The following EVA1C variants were observed in gnomAD, a reference collection of about 807,000 sequenced individuals.
EVA1C encodes the protein protein eva-1 homolog C.
In EVA1C, 25 loss-of-function variants were observed where a neutral mutation model predicts 45.4. That is an observed-to-expected ratio of 0.55 (90% CI 0.40 to 0.77). The LOEUF (loss-of-function observed/expected upper bound fraction) is 0.77. Ranked by LOEUF, EVA1C falls within the 30% of genes least tolerant of loss-of-function variation. The probability of loss-of-function intolerance (pLI) is 0.00; values close to 1 mark genes in which losing one functional copy is unlikely to be tolerated. For missense variants in EVA1C, 479 were observed against 554.8 expected (o/e 0.86, Z 1.37); for synonymous variants, 190 against 221.2 (o/e 0.86, Z 1.25).
chr21:32,477,656 C>A (rs957948351), intron 4 of EVA1C, among the ~76,000 whole-genome samples: 1 of 151,510 alleles, frequency 6.6e-6, no homozygotes, highest in Non-Finnish European at 1.5e-5. Flanking sequence ...CTGGCTTCCC[C>A]CAGAGAAAGT....
intron 1 of EVA1C, among the ~76,000 whole-genome samples, chr21:32,451,892 G>A (rs558304494): frequency 6.6e-6 from 1 of 152,268 alleles, no homozygotes; most frequent in African/African-American, 2.4e-5. Context: ...ATTTCCAAAT[G>A]TCACATTCTG....
intron 4 of EVA1C, among the ~76,000 whole-genome samples, chr21:32,481,074 CT>C (rs2036767876): frequency 6.6e-6 from 1 of 152,232 alleles, no homozygotes; most frequent in South Asian, 2.1e-4. Context: ...AGGTTAATAG[CT>C]TTTTTTCTTG....
At chr21:32,444,586 C>T (rs532784784) in intron 1 of EVA1C, among the ~76,000 whole-genome samples, 35 of 152,308 alleles carry the variant, frequency 2.3e-4, no homozygotes, top group Middle Eastern at 3.4e-3. Flanking sequence ...TTCTGCTATC[C>T]GGAAGCTCTC....
chr21:32,486,953 A>G, intron 4 of EVA1C, among the ~76,000 whole-genome samples: 1 of 152,198 alleles, frequency 6.6e-6, no homozygotes. Flanking sequence ...ATTGTAATAT[A>G]ATAAGAAATA....
intron 1 of EVA1C, among the ~76,000 whole-genome samples, chr21:32,441,714 G>A (rs953426503): frequency 1.3e-5 from 2 of 152,146 alleles, no homozygotes; most frequent in Non-Finnish European, 2.9e-5. Flanking sequence ...GCAAATATAT[G>A]GGGGGAAATT....
intron 1 of EVA1C, among the ~76,000 whole-genome samples, chr21:32,443,459 C>T (rs971224784): frequency 6.6e-6 from 1 of 152,108 alleles, no homozygotes; most frequent in African/African-American, 2.4e-5. Context: ...ATCTCCTGAA[C>T]CCAGGAGGCG....
intron 1 of EVA1C, among the ~76,000 whole-genome samples, chr21:32,424,253 G>T (rs977218126): frequency 6.6e-6 from 1 of 152,054 alleles, no homozygotes; most frequent in Admixed American, 6.5e-5. Context: ...AGTGGCTTCC[G>T]AAATTCTCAG....
At chr21:32,481,709 C>G (rs2036795210) in intron 4 of EVA1C, among the ~76,000 whole-genome samples, 2 of 152,144 alleles carry the variant, frequency 1.3e-5, no homozygotes, top group Non-Finnish European at 2.9e-5. Context: ...AAAGAAAGAT[C>G]ATTCGATACT....
At chr21:32,495,707 A>G (rs1344161703) in intron 5 of EVA1C, among the ~76,000 whole-genome samples, 1 of 152,216 alleles carries the variant, frequency 6.6e-6, no homozygotes, top group Non-Finnish European at 1.5e-5. Flanking sequence ...TGTTTTCCTG[A>G]TGTCTTTAAA....
At position 32,514,998 on chromosome 21, in the gene EVA1C, G is replaced by A. The variant is rs751872333; in HGVS notation, c.1134G>A (p.Glu378=). ...VEEDSEDEEE[E]EDPSESDFPG... ...AGGACAGCGAGGATGAAGAAGAGGA[G>A]GAGGACCCCTCTGAGTCTGATTTCC... The change falls in exon 8 of 8, where the codon GAG becomes GAA. Residue 378 remains glutamate (E), a synonymous_variant. Coordinates refer to ENST00000300255, the MANE Select transcript of EVA1C (RefSeq NM_058187.5). 6.2e-6 allele frequency: 10 copies of A among 1,614,166 alleles called. No homozygotes were observed. The African/African-American group carries it at 6.7e-5, about 11-fold the overall frequency.
At chr21:32,479,635 T>G (rs905097208) in intron 4 of EVA1C, among the ~76,000 whole-genome samples, 2 of 152,052 alleles carry the variant, frequency 1.3e-5, no homozygotes, top group Non-Finnish European at 2.9e-5. Context: ...AAATAAATTC[T>G]TGCACTCCCA....
rs541167220 is a variant in EVA1C, at chr21:32,502,570, G to A, written c.859+1075G>A. Among the ~76,000 whole-genome samples, 9 of 152,224 alleles carry A rather than the reference G, an allele frequency of 5.9e-5. No homozygotes were observed. The South Asian group carries it at 1.5e-3, about 25-fold the overall frequency. ...TCTAAGATGTTAGGCTGTGGTGAGA[G>A]TTTTGTCTTGTGTTACCTTTATTAT... On this transcript the variant is annotated intron_variant, in intron 6 of 7. Transcript: ENST00000300255.
At chr21:32,418,848 T>A (rs1343469559) in intron 1 of EVA1C, among the ~76,000 whole-genome samples, 1 of 152,196 alleles carries the variant, frequency 6.6e-6, no homozygotes, top group East Asian at 1.9e-4. Context: ...GACTGACCTT[T>A]TCCTACCCTC....
At chr21:32,510,298 G>T (rs555492933) in intron 7 of EVA1C, among the ~76,000 whole-genome samples, 1 of 151,792 alleles carries the variant, frequency 6.6e-6, no homozygotes, top group Non-Finnish European at 1.5e-5. Context: ...CAAGTGATCC[G>T]CCCACCTCAG....
At chr21:32,457,486 C>T in intron 2 of EVA1C, 111 bp from the exon 3 acceptor site, 1 of 1,281,474 alleles carries the variant, frequency 7.8e-7, no homozygotes, top group Non-Finnish European at 1.1e-6. Flanking sequence ...ACAGCTTGGC[C>T]AGGTGGGGAG....
chr21:32,496,811 A>G, intron 5 of EVA1C: 1 of 796,134 alleles, frequency 1.3e-6, no homozygotes, highest in Non-Finnish European at 2.3e-6. Context: ...CTGGGAACGG[A>G]GTATATTCTA....
chr21:32,413,109 TAGGATTAA>T (rs1209038965), intron 1 of EVA1C, 96 bp downstream of exon 1: 6 of 1,116,636 alleles, frequency 5.4e-6, no homozygotes, highest in Non-Finnish European at 7.0e-6. Flanking sequence ...CACGGCGGGG[TAGGATTAA>T]AGTTGAGGCG....
At chr21:32,436,735 C>T (rs1345833551) in intron 1 of EVA1C, among the ~76,000 whole-genome samples, 5 of 152,388 alleles carry the variant, frequency 3.3e-5, no homozygotes, top group South Asian at 2.1e-4. Context: ...CCATGCACTG[C>T]GGACCCCCCA....
intron 1 of EVA1C, among the ~76,000 whole-genome samples, chr21:32,446,613 C>T (rs943138101): frequency 2.0e-5 from 3 of 152,178 alleles, no homozygotes; most frequent in African/African-American, 4.8e-5. Context: ...GCTTGCCTAC[C>T]GGGAAAGCAG....
Sources: gnomAD v4.1 joint callset for allele counts (sites outside exome capture counted in the v4.1 genomes callset) on GRCh38, gnomAD v4.1.1 for gene constraint, MANE v1.5 for transcripts, NCBI Gene and HGNC (gene_info 2026-07-23, HGNC 2026-07-21) for gene names.